CCDC18: variants seen among roughly 807,000 people sequenced by gnomAD.
CCDC18 encodes coiled-coil domain-containing protein 18.
CCDC18 carries 157 observed loss-of-function variants against 196.0 expected under a neutral mutation model. That is an observed-to-expected ratio of 0.80 (90% confidence interval 0.70 to 0.91). The LOEUF is 0.91. CCDC18 is among the 40% of genes least tolerant of loss of function. The probability of loss-of-function intolerance (pLI) is 0.00; values close to 1 mark genes in which losing one functional copy is unlikely to be tolerated. For synonymous variants in CCDC18, 482 were observed against 529.2 expected (o/e 0.91, Z 1.22); for missense variants, 1,465 against 1,611.6 (o/e 0.91, Z 1.56).
chr1:93,185,759 T>C (rs1434158557), intron 3 of CCDC18, among the ~76,000 whole-genome samples: 1 of 151,978 alleles, frequency 6.6e-6, no homozygotes, highest in Admixed American at 6.5e-5. Flanking sequence ...GTGTATACTT[T>C]TTCTTTTATA....
Position 93,270,495 on chromosome 1 carries a change from T to C in CCDC18, c.4034T>C (p.Phe1345Ser). 1 of 1,550,432 alleles carries C rather than the reference T, an allele frequency of 6.4e-7. No individual in the cohort carries two copies. Residue 1345 changes from phenylalanine (F) to serine (S), a missense_variant, in exon 28 of 29, where the codon TTT (phenylalanine) becomes TCT (serine). By Grantham distance (155) the Phe-to-Ser change is radical. Coordinates refer to ENST00000690025, the MANE Select transcript of CCDC18 (RefSeq NM_001378204.1). ...TTTGCTAAATGTTTTCACACATCTT[T>C]TTCCAAGTGTACAAAATTACGTCGC... is the stretch of plus-strand genomic sequence containing the variant. ...PKFAKCFHTS[F>S]SKCTKLRRSI...
At position 93,239,804 on chromosome 1, in the gene CCDC18, A is replaced by T; in HGVS notation, c.2889A>T (p.Arg963Ser). Residue 963 changes from arginine (R) to serine (S), a missense_variant, in exon 21 of 29, where the codon AGA (arginine) becomes AGT (serine). Arg to Ser is a moderately radical substitution (Grantham distance 110). Coordinates refer to ENST00000690025, the MANE Select transcript of CCDC18 (RefSeq NM_001378204.1). ...NAHGELKSTL[R>S]QLQELRDVLQ... is the part of the protein sequence containing the mutation. Reference sequence around the variant, plus strand: ...ATGGAGAATTAAAAAGTACTTTAAGACAACTCCAGGAATTGAGAGATGTAC... The same window carrying T: ...ATGGAGAATTAAAAAGTACTTTAAGTCAACTCCAGGAATTGAGAGATGTAC... 1 of 1,613,604 alleles carries T rather than the reference A, an allele frequency of 6.2e-7. No individual in the cohort carries two copies. The highest frequency in any genetic ancestry group is 8.5e-7 in the Non-Finnish European group (1 of 1,179,616).
chr1:93,255,802 G>T (rs1352510439), intron 24 of CCDC18, among the ~76,000 whole-genome samples: 1 of 133,704 alleles, frequency 7.5e-6, no homozygotes, highest in East Asian at 2.0e-4. Context: ...AAGGAGGGGG[G>T]AGGGATAGTG....
At chr1:93,190,188 T>G (rs1027964233) in intron 4 of CCDC18, among the ~76,000 whole-genome samples, 9 of 152,206 alleles carry the variant, frequency 5.9e-5, no homozygotes, top group Non-Finnish European at 1.3e-4. Flanking sequence ...GGCCTCTGAC[T>G]TTTATGTTAG....
intron 11 of CCDC18, among the ~76,000 whole-genome samples, chr1:93,213,283 C>T (rs763097823): frequency 1.8e-4 from 28 of 152,136 alleles, no homozygotes; most frequent in Admixed American, 5.2e-4. Flanking sequence ...CAGTTTGATA[C>T]GTTTTGTCAG....
At chr1:93,221,971 C>T (rs1570426058) in intron 16 of CCDC18, 35 bp downstream of exon 16, 6 of 1,144,806 alleles carry the variant, frequency 5.2e-6, no homozygotes, top group Admixed American at 5.5e-5. Context: ...TCTTTCTTTC[C>T]TTTTTTTTTT....
At chr1:93,246,707 C>A in intron 22 of CCDC18, 131 bp from the exon 23 acceptor site, 1 of 525,874 alleles carries the variant, frequency 1.9e-6, no homozygotes, top group South Asian at 2.9e-5. Flanking sequence ...AAGCAAAGAG[C>A]ATTAGTATAT....
intron 14 of CCDC18, among the ~76,000 whole-genome samples, chr1:93,218,597 C>T (rs1400405981): frequency 6.6e-6 from 1 of 151,974 alleles, no homozygotes; most frequent in Non-Finnish European, 1.5e-5. Flanking sequence ...GCAGTCTCCG[C>T]CTTCTGGGTT....
chr1:93,269,715 C>T (rs1570657635), intron 27 of CCDC18: 1 of 152,124 alleles, frequency 6.6e-6, no homozygotes, highest in East Asian at 1.9e-4. Flanking sequence ...AATATCATCT[C>T]TTTTTTTAGG....
intron 6 of CCDC18, among the ~76,000 whole-genome samples, chr1:93,201,585 C>T (rs1188021544): frequency 6.6e-6 from 1 of 151,942 alleles, no homozygotes; most frequent in African/African-American, 2.4e-5. Context: ...CAGCCTCAGG[C>T]TATTTCCCTA....
intron 11 of CCDC18, among the ~76,000 whole-genome samples, chr1:93,213,456 G>T (rs1370299815): frequency 6.7e-6 from 1 of 149,446 alleles, no homozygotes; most frequent in Non-Finnish European, 1.5e-5. Context: ...TTAAAGTTTA[G>T]ATTATTGATT....
At chr1:93,191,088 A>ATTT in intron 4 of CCDC18, 9 of 472,206 alleles carry the variant, frequency 1.9e-5, no homozygotes, top group Non-Finnish European at 3.1e-5. Context: ...CAGCAAGGAG[A>ATTT]TTTTTTTTTT....
intron 23 of CCDC18, among the ~76,000 whole-genome samples, chr1:93,247,790 A>T (rs1001018938): frequency 5.3e-5 from 8 of 152,090 alleles, no homozygotes; most frequent in African/African-American, 1.7e-4. Context: ...CTCTGCAAAC[A>T]AGGATAATTT....
At chr1:93,247,146 G>A (rs530930706) in intron 23 of CCDC18, among the ~76,000 whole-genome samples, 192 bp downstream of exon 23, 3 of 151,058 alleles carry the variant, frequency 2.0e-5, no homozygotes, top group South Asian at 2.1e-4. Context: ...CTGCAGCCTC[G>A]AGTTCCTGGG....
At chr1:93,193,930 T>C (rs951309482) in intron 6 of CCDC18, among the ~76,000 whole-genome samples, 186 bp downstream of exon 6, 4 of 152,138 alleles carry the variant, frequency 2.6e-5, no homozygotes, top group Non-Finnish European at 4.4e-5. Flanking sequence ...GTGGAATTTA[T>C]GTTATTAGCA....
intron 26 of CCDC18, among the ~76,000 whole-genome samples, chr1:93,259,372 C>T (rs192323594): frequency 3.5e-4 from 54 of 152,232 alleles, no homozygotes; most frequent in African/African-American, 1.2e-3. Flanking sequence ...TATCTGTCAG[C>T]ATGTCTTGAG....
intron 23 of CCDC18, among the ~76,000 whole-genome samples, chr1:93,251,836 T>A (rs1352772729): frequency 6.6e-6 from 1 of 152,156 alleles, no homozygotes; most frequent in Non-Finnish European, 1.5e-5. Context: ...TTTGGAAATT[T>A]TTCTTTTGTT....
chr1:93,265,019 A>G, intron 27 of CCDC18, 118 bp downstream of exon 27: 1 of 655,830 alleles, frequency 1.5e-6, no homozygotes, highest in South Asian at 1.9e-5. Flanking sequence ...TGTTTGAATA[A>G]AAACCATTTG....
chr1:93,235,618 G>A (rs1480385582), intron 18 of CCDC18, among the ~76,000 whole-genome samples: 1 of 152,044 alleles, frequency 6.6e-6, no homozygotes, highest in African/African-American at 2.4e-5. Flanking sequence ...AAGGTCTGAA[G>A]AAAAGCTTTT....
Sources: gnomAD v4.1 joint callset for allele counts (sites outside exome capture counted in the v4.1 genomes callset) on GRCh38, gnomAD v4.1.1 for gene constraint, MANE v1.5 for transcripts, NCBI Gene and HGNC (gene_info 2026-07-23, HGNC 2026-07-21) for gene names.